CDH13: variants seen among roughly 807,000 people sequenced by gnomAD.
CDH13 encodes cadherin 13.
CDH13 carries 24 observed loss-of-function variants against 63.8 expected under a neutral mutation model. The observed-to-expected ratio is 0.38, with a 90% confidence interval of 0.27 to 0.53. The LOEUF is 0.53. Ranked by LOEUF, CDH13 falls within the 20% of genes least tolerant of loss-of-function variation. CDH13 has a pLI of 0.85. For missense variants in CDH13, 1,049 were observed against 903.1 expected, an observed-to-expected ratio of 1.16 and a Z score of -2.07; for synonymous variants, 503 against 355.3, an observed-to-expected ratio of 1.42 and a Z score of -4.67.
At chr16:83,704,214 G>C (rs538442231) in intron 10 of CDH13, among the ~76,000 whole-genome samples, 2 of 152,306 alleles carry the variant, frequency 1.3e-5, no homozygotes, top group African/African-American at 4.8e-5. Context: ...GGGATAGAAA[G>C]GTGTTTTCAA....
intron 5 of CDH13, among the ~76,000 whole-genome samples, chr16:83,222,346 C>G (rs1044453828): frequency 6.6e-6 from 1 of 152,108 alleles, no homozygotes; most frequent in African/African-American, 2.4e-5. Context: ...TAATGTGGCT[C>G]TACCCCTATT....
At chr16:83,140,296 C>T (rs911529883) in intron 4 of CDH13, among the ~76,000 whole-genome samples, 3 of 152,188 alleles carry the variant, frequency 2.0e-5, no homozygotes, top group Non-Finnish European at 4.4e-5. Context: ...GCATTTTCCA[C>T]TTGCCAATGT....
intron 5 of CDH13, among the ~76,000 whole-genome samples, chr16:83,258,806 G>A (rs896159950): frequency 6.6e-6 from 1 of 152,134 alleles, no homozygotes; most frequent in Non-Finnish European, 1.5e-5. Context: ...ACATCGTGAC[G>A]CTATAAATAA....
chr16:83,421,370 GAGTGTTTCAGC>G (rs769826320), intron 6 of CDH13, among the ~76,000 whole-genome samples: 9 of 152,212 alleles, frequency 5.9e-5, no homozygotes, highest in African/African-American at 1.7e-4. Flanking sequence ...AGGCAGTTAA[GAGTGTTTCAGC>G]AGTGTTTCAG....
intron 6 of CDH13, among the ~76,000 whole-genome samples, chr16:83,410,110 G>A (rs1002174042): frequency 1.3e-5 from 2 of 152,196 alleles, no homozygotes; most frequent in Non-Finnish European, 2.9e-5. Flanking sequence ...CTGTTAACAG[G>A]TAATAAGATT....
chr16:83,083,615 A>G (rs1317949793), intron 3 of CDH13, among the ~76,000 whole-genome samples: 1 of 152,208 alleles, frequency 6.6e-6, no homozygotes, highest in Non-Finnish European at 1.5e-5. Context: ...TTCCAATAAC[A>G]TGAAATATGG....
At chr16:82,871,911 TC>T (rs2040355293) in intron 2 of CDH13, among the ~76,000 whole-genome samples, 1 of 152,200 alleles carries the variant, frequency 6.6e-6, no homozygotes, top group Non-Finnish European at 1.5e-5. Flanking sequence ...GCATCTGTTT[TC>T]CCAGTGTTCC....
At chr16:83,414,104 T>C (rs1021104024) in intron 6 of CDH13, among the ~76,000 whole-genome samples, 1 of 152,224 alleles carries the variant, frequency 6.6e-6, no homozygotes, top group Admixed American at 6.5e-5. Context: ...CAACCTGCTA[T>C]AGTTTTATAG....
intron 4 of CDH13, 123 bp from the exon 5 acceptor site, chr16:83,217,222 T>G: frequency 1.2e-6 from 1 of 861,540 alleles, no homozygotes; most frequent in Non-Finnish European, 1.9e-6. Flanking sequence ...GTCAAATCTG[T>G]GTTCACCAGG....
chr16:83,345,546 C>T (rs181730789), intron 6 of CDH13, among the ~76,000 whole-genome samples: 323 of 152,268 alleles, frequency 2.1e-3, no homozygotes, highest in Non-Finnish European at 3.0e-3. Context: ...AATGCATGTG[C>T]CTACTGTTAT....
intron 1 of CDH13, among the ~76,000 whole-genome samples, chr16:82,705,547 G>T (rs1042246493): frequency 4.6e-5 from 7 of 152,122 alleles, no homozygotes; most frequent in African/African-American, 7.2e-5. Flanking sequence ...ATTTCATGGG[G>T]CTGGTGATCC....
intron 2 of CDH13, among the ~76,000 whole-genome samples, chr16:82,917,560 A>G (rs183763652): frequency 1.1e-4 from 16 of 152,188 alleles, no homozygotes; most frequent in African/African-American, 3.6e-4. Context: ...ATAAAATGAT[A>G]CATTCAAAGA....
chr16:83,090,216 A>C (rs1262363012), intron 3 of CDH13, among the ~76,000 whole-genome samples: 1 of 152,128 alleles, frequency 6.6e-6, no homozygotes. Context: ...TCGTGCCTCC[A>C]GCCCAGTCTA....
chr16:83,748,355 TGTAA>T lies in CDH13; in HGVS notation c.1681+108_1681+111del, dbSNP rs1231093432. 19 of 1,017,014 alleles carry T rather than the reference TGTAA, an allele frequency of 1.9e-5. No individual in the cohort carries two copies. The East Asian group carries it at 4.3e-4, about 23-fold the overall frequency. The allele number at this position is 1,017,014 out of a possible 1,614,324, so 63.0% of individuals were successfully genotyped here. A position where few individuals can be genotyped will look rare whatever the true frequency, so the allele number is the denominator to read the frequency against. ...CACCCAGGGGTGTTCTTGGGAAGAA[TGTAA>T]GTGTGTGGGAACAGCAAAGTAAATG... On this transcript the variant is annotated intron_variant, in intron 11 of 13. Transcript: ENST00000567109.
intron 7 of CDH13, among the ~76,000 whole-genome samples, chr16:83,562,727 G>A (rs1200166409): frequency 1.3e-5 from 2 of 152,186 alleles, no homozygotes; most frequent in African/African-American, 2.4e-5. Context: ...ATTTTGGGTA[G>A]AAGATACTTA....
Position 82,757,786 on chromosome 16 carries a change from C to T in CDH13, c.46-100576C>T, listed in dbSNP as rs182585595. On this transcript the variant is annotated intron_variant, in intron 1 of 13. Coordinates refer to ENST00000567109, the MANE Select transcript of CDH13 (RefSeq NM_001257.5). ...CTTTCGGAGTAGCTGGGACTATAGG[C>T]GTGTGCCACCACGCCCAGCTAGGCC... Among the ~76,000 whole-genome samples, 10 of 152,008 alleles carry T rather than the reference C, an allele frequency of 6.6e-5. No homozygotes were observed. In the East Asian group the frequency reaches 7.8e-4, roughly 12 times the overall value.
intron 1 of CDH13, among the ~76,000 whole-genome samples, chr16:82,847,170 G>C (rs1327970395): frequency 6.6e-6 from 1 of 152,172 alleles, no homozygotes. Flanking sequence ...CATATTTTCT[G>C]AGTGTCTATT....
chr16:83,227,078 A>G (rs538776434), intron 5 of CDH13, among the ~76,000 whole-genome samples: 1 of 152,364 alleles, frequency 6.6e-6, no homozygotes, highest in East Asian at 1.9e-4. Context: ...GTTCGAGAAC[A>G]GAAAATGATT....
intron 7 of CDH13, among the ~76,000 whole-genome samples, chr16:83,555,676 G>A (rs535114061): frequency 6.6e-6 from 1 of 152,336 alleles, no homozygotes; most frequent in African/African-American, 2.4e-5. Flanking sequence ...GACTTTTTGA[G>A]AAACGCAATC....
Sources: gnomAD v4.1 joint callset for allele counts (sites outside exome capture counted in the v4.1 genomes callset) on GRCh38, gnomAD v4.1.1 for gene constraint, MANE v1.5 for transcripts, NCBI Gene and HGNC (gene_info 2026-07-23, HGNC 2026-07-21) for gene names.